Variants in ANKIB1 observed in about 807,000 individuals in gnomAD.
ANKIB1 encodes the protein ankyrin repeat and IBR domain-containing protein 1.
ANKIB1 carries 43 observed loss-of-function variants against 122.1 expected under a neutral mutation model. The ratio of observed to expected loss-of-function variants is 0.35; its 90% CI spans 0.28 to 0.45. The LOEUF (loss-of-function observed/expected upper bound fraction) is 0.45. Ranked by LOEUF, ANKIB1 falls within the 20% of genes least tolerant of loss-of-function variation. The pLI is 1.00. For synonymous variants in ANKIB1, 390 were observed against 442.0 expected (o/e 0.88, Z 1.48); for missense variants, 992 against 1,329.5 (o/e 0.75, Z 3.95).
intron 9 of ANKIB1, among the ~76,000 whole-genome samples, chr7:92,355,754 C>T (rs776055040): frequency 1.1e-4 from 17 of 151,710 alleles, no homozygotes; most frequent in Non-Finnish European, 7.4e-5. Flanking sequence ...GAGGCTGAGG[C>T]AGGAGAATCG....
intron 1 of ANKIB1, among the ~76,000 whole-genome samples, chr7:92,275,699 A>G (rs760350987): frequency 6.6e-5 from 10 of 152,272 alleles, no homozygotes; most frequent in Non-Finnish European, 1.3e-4. Flanking sequence ...TGCACAAACT[A>G]AATGGCGAGA....
At chr7:92,366,532 A>G (rs1286137315) in intron 10 of ANKIB1, among the ~76,000 whole-genome samples, 1 of 152,218 alleles carries the variant, frequency 6.6e-6, no homozygotes, top group East Asian at 1.9e-4. Context: ...AACTATGGGT[A>G]TGATCTTTTA....
intron 4 of ANKIB1, among the ~76,000 whole-genome samples, chr7:92,327,558 T>G (rs1176866404): frequency 6.6e-6 from 1 of 152,208 alleles, no homozygotes; most frequent in African/African-American, 2.4e-5. Context: ...TAATTAGTTG[T>G]TATACTGTGT....
At chr7:92,397,567 G>A (rs1241270094) in intron 18 of ANKIB1, among the ~76,000 whole-genome samples, 156 bp from the exon 19 acceptor site, 1 of 151,848 alleles carries the variant, frequency 6.6e-6, no homozygotes, top group African/African-American at 2.4e-5. Flanking sequence ...GACAAATATG[G>A]ATGAGAAATC....
At chr7:92,263,541 T>G (rs1168243031) in intron 1 of ANKIB1, among the ~76,000 whole-genome samples, 1 of 152,226 alleles carries the variant, frequency 6.6e-6, no homozygotes, top group Admixed American at 6.5e-5. Flanking sequence ...ATCCAGTTTT[T>G]TCTTCCCAGA....
At chr7:92,372,411 G>C (rs778006380) in intron 11 of ANKIB1, among the ~76,000 whole-genome samples, 5 of 152,090 alleles carry the variant, frequency 3.3e-5, no homozygotes, top group Non-Finnish European at 7.4e-5. Context: ...TCGGGGACTT[G>C]ATTATTCTCA....
chr7:92,352,689 A>C, intron 9 of ANKIB1, 47 bp downstream of exon 9: 2 of 1,550,846 alleles, frequency 1.3e-6, no homozygotes, highest in African/African-American at 2.8e-5. Context: ...TTTCTTTCCA[A>C]TAGTTATTAA....
intron 1 of ANKIB1, among the ~76,000 whole-genome samples, chr7:92,262,667 A>T (rs1801589795): frequency 6.6e-6 from 1 of 152,174 alleles, no homozygotes; most frequent in African/African-American, 2.4e-5. Flanking sequence ...ACACTGATTA[A>T]TTCAGGATTT....
In ANKIB1 at chr7:92,365,155, A is replaced by T. The variant is rs17164515; in HGVS notation, c.1486+2882A>T. On this transcript the variant is annotated intron_variant, in intron 10 of 19. Transcript: ENST00000265742. ...AAGTAAATGCCCTCTATGCTCTTGA[A>T]GTTTATATTTTAGAGAGGCAACTGT... 3.5e-3 allele frequency among the ~76,000 whole-genome samples: 540 copies of T among 152,306 alleles called. 4 individuals carry two copies. Among genetic ancestry groups the T allele is most frequent in the African/African-American group, 0.012 (510 of 41,564 alleles).
At chr7:92,358,936 C>G (rs1803883763) in intron 9 of ANKIB1, among the ~76,000 whole-genome samples, 1 of 152,018 alleles carries the variant, frequency 6.6e-6, no homozygotes, top group South Asian at 2.1e-4. Flanking sequence ...AAACACTGTT[C>G]CTAGATCTAT....
At chr7:92,309,911 C>T (rs1483161398) in intron 3 of ANKIB1, among the ~76,000 whole-genome samples, 6 of 106,558 alleles carry the variant, frequency 5.6e-5, no homozygotes, top group East Asian at 3.2e-4. Flanking sequence ...GGCAACAGAG[C>T]GAGACTCCAT....
intron 7 of ANKIB1, 90 bp from the exon 8 acceptor site, chr7:92,350,860 A>G: frequency 7.5e-7 from 1 of 1,332,170 alleles, no homozygotes; most frequent in African/African-American, 1.5e-5. Flanking sequence ...CTGTCTCTAA[A>G]AAAAAAAGGA....
chr7:92,396,841 T>G (rs1804906463), intron 18 of ANKIB1, among the ~76,000 whole-genome samples: 1 of 152,202 alleles, frequency 6.6e-6, no homozygotes, highest in African/African-American at 2.4e-5. Flanking sequence ...AGTGAAGCAC[T>G]CAGTTAATTG....
At chr7:92,360,105 A>G (rs1414776932) in intron 9 of ANKIB1, among the ~76,000 whole-genome samples, 1 of 152,134 alleles carries the variant, frequency 6.6e-6, no homozygotes, top group East Asian at 1.9e-4. Flanking sequence ...ATTTTTAAGT[A>G]TGCAATTCAG....
intron 7 of ANKIB1, among the ~76,000 whole-genome samples, chr7:92,348,385 CT>C (rs563453600): frequency 0.042 from 5,697 of 134,310 alleles, 204 homozygotes; most frequent in African/African-American, 0.14. Flanking sequence ...GTCTTTAAGA[CT>C]TTTTTTTTTT....
In ANKIB1 at chr7:92,307,453, T is replaced by A. The variant is rs1802584299; in HGVS notation, c.283T>A (p.Ser95Thr). The part of the protein sequence containing the change: ...LLCMGPQIMI[S>T]EGALHPRLAR... ...GTGTATGGGACCTCAAATTATGATA[T>A]CTGAAGGAGCCCTTCATCCTCGCTT... Residue 95 changes from serine to threonine, a missense_variant, in exon 3 of 20, where the codon TCT becomes ACT. Physicochemically the swap from Ser to Thr is moderately conservative, Grantham distance 58. Coordinates refer to ENST00000265742, the MANE Select transcript of ANKIB1 (RefSeq NM_019004.2). 6.2e-7 allele frequency: 1 copy of A among 1,614,012 alleles called. No homozygotes were observed. Among genetic ancestry groups the A allele is most frequent in the African/African-American group, 1.3e-5 (1 of 75,056 alleles).
intron 12 of ANKIB1, 101 bp downstream of exon 12, chr7:92,386,744 A>T: frequency 8.9e-7 from 1 of 1,126,440 alleles, no homozygotes; most frequent in East Asian, 3.0e-5. Flanking sequence ...TAAAGTATTA[A>T]ATTGAATATA....
intron 6 of ANKIB1, among the ~76,000 whole-genome samples, chr7:92,344,541 A>T (rs1305695489): frequency 2.0e-5 from 3 of 152,054 alleles, no homozygotes; most frequent in Non-Finnish European, 4.4e-5. Flanking sequence ...TCTCCCTGGA[A>T]AGTGTGGATA....
At chr7:92,392,542 A>G (rs1352096956) in intron 17 of ANKIB1, among the ~76,000 whole-genome samples, 1 of 152,108 alleles carries the variant, frequency 6.6e-6, no homozygotes, top group Admixed American at 6.5e-5. Flanking sequence ...CAAATTTACA[A>G]TATACATTTT....
Sources: allele counts gnomAD v4.1 joint callset (sites outside exome capture counted in the v4.1 genomes callset), GRCh38; gene constraint gnomAD v4.1.1; transcripts MANE v1.5; gene names NCBI Gene and HGNC (gene_info 2026-07-23, HGNC 2026-07-21).